Variants in ACTR3C observed in about 807,000 individuals in gnomAD.
ACTR3C encodes actin related protein 3C, also known as actin-related protein 3C.
Under a neutral mutation model 26.3 loss-of-function variants are expected in ACTR3C, and 18 were observed. The observed-to-expected ratio is 0.68, with a 90% CI of 0.47 to 1.01. ACTR3C has a LOEUF of 1.01. ACTR3C is among the 50% of genes least tolerant of loss of function. The pLI, the probability that ACTR3C is intolerant of heterozygous loss-of-function variation, is 0.00. For missense variants in ACTR3C, 184 were observed against 250.7 expected, an observed-to-expected ratio of 0.73 and a Z score of 1.80; for synonymous variants, 55 against 94.5, an observed-to-expected ratio of 0.58 and a Z score of 2.42.
the ACTR3C span, among the ~76,000 whole-genome samples, chr7:149,963,323 A>G: frequency 6.6e-6 from 1 of 152,200 alleles, no homozygotes; most frequent in South Asian, 2.1e-4. Flanking sequence ...TGTTGAACAC[A>G]CATTTTTCTC....
chr7:150,160,814 A>G, the ACTR3C span, among the ~76,000 whole-genome samples: 5,477 of 151,232 alleles, frequency 0.036, 240 homozygotes, highest in East Asian at 0.2. Flanking sequence ...CACCCTACAG[A>G]TATTTGTCAA....
At chr7:149,927,557 C>T in the ACTR3C span, among the ~76,000 whole-genome samples, 39 of 152,036 alleles carry the variant, frequency 2.6e-4, no homozygotes, top group African/African-American at 8.7e-4. Flanking sequence ...GGAGAAACCC[C>T]GTCTCTATTA....
chr7:149,900,631 TC>T, the ACTR3C span, among the ~76,000 whole-genome samples: 5 of 152,338 alleles, frequency 3.3e-5, no homozygotes, highest in Non-Finnish European at 5.9e-5. Context: ...ATAATTATTT[TC>T]CTTTTCCTCT....
chr7:150,267,108 TG>T (rs1392203601), intron 6 of ACTR3C, among the ~76,000 whole-genome samples: 1 of 152,226 alleles, frequency 6.6e-6, no homozygotes, highest in African/African-American at 2.4e-5. Context: ...AGGGGACGGC[TG>T]ACTTGTGGCA....
chr7:150,262,620 C>G (rs1036299045), intron 6 of ACTR3C, among the ~76,000 whole-genome samples: 3 of 152,116 alleles, frequency 2.0e-5, no homozygotes, highest in African/African-American at 7.2e-5. Context: ...TAAGAGTTTC[C>G]CAACTGATGT....
the ACTR3C span, among the ~76,000 whole-genome samples, chr7:150,200,942 A>G: frequency 6.6e-6 from 1 of 152,264 alleles, no homozygotes; most frequent in African/African-American, 2.4e-5. Flanking sequence ...GTACTTAACA[A>G]TAGAAAATTA....
At chr7:150,103,533 C>T in the ACTR3C span, among the ~76,000 whole-genome samples, 3 of 151,924 alleles carry the variant, frequency 2.0e-5, no homozygotes, top group South Asian at 2.1e-4. Flanking sequence ...GCCATGATTT[C>T]CACTATAGGA....
At chr7:150,312,538 G>A (rs532876258) in intron 1 of ACTR3C, among the ~76,000 whole-genome samples, 3 of 152,272 alleles carry the variant, frequency 2.0e-5, no homozygotes, top group African/African-American at 7.2e-5. Context: ...AAGCTAATAT[G>A]CCTGATTACT....
chr7:150,256,544 G>A (rs1265577526), intron 6 of ACTR3C, among the ~76,000 whole-genome samples: 1 of 152,200 alleles, frequency 6.6e-6, no homozygotes, highest in Non-Finnish European at 1.5e-5. Flanking sequence ...TTATAAGTGG[G>A]TGTGAAACCC....
the ACTR3C span, among the ~76,000 whole-genome samples, chr7:149,944,331 G>A: frequency 6.6e-6 from 1 of 152,070 alleles, no homozygotes; most frequent in African/African-American, 2.4e-5. Flanking sequence ...TCTAATCCCA[G>A]AATGGATTGG....
intron 1 of ACTR3C, among the ~76,000 whole-genome samples, chr7:150,316,637 C>T (rs1042544718): frequency 6.6e-6 from 1 of 152,086 alleles, no homozygotes; most frequent in Non-Finnish European, 1.5e-5. Context: ...AGATGCGTGC[C>T]ATCACGCTCA....
At chr7:149,938,936 TAA>T in the ACTR3C span, among the ~76,000 whole-genome samples, 3 of 70,514 alleles carry the variant, frequency 4.3e-5, no homozygotes, top group Non-Finnish European at 7.0e-5. Flanking sequence ...TATGTATATA[TAA>T]ATATATGTAT....
At chr7:150,252,867 T>G (rs539290427) in intron 6 of ACTR3C, among the ~76,000 whole-genome samples, 1 of 152,286 alleles carries the variant, frequency 6.6e-6, no homozygotes, top group South Asian at 2.1e-4. Flanking sequence ...TTGTTTTTAT[T>G]AATATGATAT....
chr7:150,207,190 G>A, the ACTR3C span, among the ~76,000 whole-genome samples: 2 of 152,176 alleles, frequency 1.3e-5, no homozygotes, highest in African/African-American at 4.8e-5. Context: ...AGAAGAGTAA[G>A]CAATAAGTCC....
rs537102352 is a variant in ACTR3C at position 150,252,443 on chromosome 7, G to C, written c.565-3389C>G. ...AAAGACTAAAGTGGTCTAATGAAGG[G>C]GCTGCTTGGAGGATGCAGAGGCTGA... On this transcript the variant is annotated intron_variant, in intron 6 of 7. Coordinates refer to ENST00000683684, the MANE Select transcript of ACTR3C (RefSeq NM_001164458.2). Among the ~76,000 whole-genome samples the C allele has an allele frequency of 7.9e-5, 12 of 152,276 alleles. 1 individual carries two copies. In the South Asian group the frequency reaches 2.5e-3, roughly 32 times the overall value.
At chr7:150,204,926 G>C in the ACTR3C span, among the ~76,000 whole-genome samples, 2 of 152,198 alleles carry the variant, frequency 1.3e-5, no homozygotes, top group Non-Finnish European at 2.9e-5. Flanking sequence ...TAGCAGGAAG[G>C]GGGCCAAGAG....
chr7:150,119,445 T>C, the ACTR3C span, among the ~76,000 whole-genome samples: 891 of 152,196 alleles, frequency 5.9e-3, 10 homozygotes, highest in African/African-American at 0.021. Flanking sequence ...TAGTCTCTGA[T>C]AAAACAGACT....
At chr7:149,977,573 G>T in the ACTR3C span, among the ~76,000 whole-genome samples, 1 of 152,112 alleles carries the variant, frequency 6.6e-6, no homozygotes, top group African/African-American at 2.4e-5. Flanking sequence ...CCGGACCTCT[G>T]TTCAGTTACA....
chr7:149,918,971 GGT>G, the ACTR3C span, among the ~76,000 whole-genome samples: 2 of 152,138 alleles, frequency 1.3e-5, no homozygotes, highest in African/African-American at 4.8e-5. Flanking sequence ...CTCAGGCCAT[GGT>G]GAGACCCTCT....
Sources: allele counts gnomAD v4.1 joint callset (sites outside exome capture counted in the v4.1 genomes callset), GRCh38; gene constraint gnomAD v4.1.1; transcripts MANE v1.5; gene names NCBI Gene and HGNC (gene_info 2026-07-23, HGNC 2026-07-21).